Variants in ATP2B4 observed in about 807,000 individuals in gnomAD.
ATP2B4 encodes the protein ATPase plasma membrane Ca2+ transporting 4.
In ATP2B4, 39 loss-of-function variants were observed where a neutral mutation model predicts 110.3. The ratio of observed to expected loss-of-function variants is 0.35; its 90% CI spans 0.27 to 0.46. The LOEUF (loss-of-function observed/expected upper bound fraction) is 0.46, where lower values mean the gene tolerates loss of function less well. Among genes scored for constraint, ATP2B4 ranks in the 20% least tolerant of loss-of-function variants. The pLI is 1.00. For synonymous variants in ATP2B4, 538 were observed against 571.7 expected (o/e 0.94, Z 0.84); for missense variants, 1,135 against 1,530.9 (o/e 0.74, Z 4.32).
chr1:203,663,382 C>T (rs1042527744), intron 1 of ATP2B4, among the ~76,000 whole-genome samples: 1 of 152,070 alleles, frequency 6.6e-6, no homozygotes, highest in South Asian at 2.1e-4. Context: ...AGGAGGTGTA[C>T]CGCCTCCATC....
chr1:203,721,442 G>A, intron 17 of ATP2B4, 32 bp downstream of exon 17: 1 of 1,603,036 alleles, frequency 6.2e-7, no homozygotes, highest in South Asian at 1.1e-5. Flanking sequence ...TAGCAGCTGG[G>A]GTCCTGGTTG....
chr1:203,691,713 C>G (rs975510360), intron 2 of ATP2B4, among the ~76,000 whole-genome samples: 8 of 151,918 alleles, frequency 5.3e-5, no homozygotes, highest in Non-Finnish European at 2.9e-5. Context: ...CCAAGCCATG[C>G]GTGTATTAAA....
At chr1:203,648,170 G>T (rs1408770256) in intron 1 of ATP2B4, among the ~76,000 whole-genome samples, 1 of 152,134 alleles carries the variant, frequency 6.6e-6, no homozygotes, top group Non-Finnish European at 1.5e-5. Flanking sequence ...TCTCATGCTG[G>T]CCTGTGATTG....
chr1:203,657,607 C>G (rs1664200898), intron 1 of ATP2B4: 3 of 974,712 alleles, frequency 3.1e-6, no homozygotes, highest in Non-Finnish European at 5.0e-6. Flanking sequence ...TAAAGCTTAG[C>G]CTTCAGACCA....
intron 1 of ATP2B4, among the ~76,000 whole-genome samples, chr1:203,673,194 T>C (rs981354469): frequency 3.9e-5 from 6 of 152,126 alleles, no homozygotes; most frequent in Non-Finnish European, 8.8e-5. Context: ...TTAAGGAACT[T>C]GTTAGGAGTG....
intron 8 of ATP2B4, 66 bp downstream of exon 8, chr1:203,703,879 C>T: frequency 6.5e-7 from 1 of 1,545,808 alleles, no homozygotes; most frequent in Non-Finnish European, 8.8e-7. Flanking sequence ...CTTTTATCCC[C>T]TTCTTTCTGC....
chr1:203,681,134 G>A (rs1360636601), intron 1 of ATP2B4, among the ~76,000 whole-genome samples: 3 of 152,178 alleles, frequency 2.0e-5, no homozygotes, highest in Non-Finnish European at 2.9e-5. Flanking sequence ...AAGGGAGTAC[G>A]ATATTTTAAA....
At chr1:203,661,586 C>G (rs371313322) in intron 1 of ATP2B4, among the ~76,000 whole-genome samples, 1 of 152,162 alleles carries the variant, frequency 6.6e-6, no homozygotes, top group African/African-American at 2.4e-5. Context: ...CTTTCTCCTG[C>G]TCTTTGAAAA....
At chr1:203,709,042 T>C (rs1290906527) in intron 10 of ATP2B4, among the ~76,000 whole-genome samples, 1 of 151,834 alleles carries the variant, frequency 6.6e-6, no homozygotes, top group Non-Finnish European at 1.5e-5. Context: ...CTGTAGTCCC[T>C]GCTACTCAGG....
chr1:203,724,865 CTG>C lies in ATP2B4; in HGVS notation c.3132+879_3132+880del, dbSNP rs1311017201. Among the ~76,000 whole-genome samples the C allele has an allele frequency of 5.7e-3, 576 of 101,452 alleles. 33 individuals are homozygous for C. Among genetic ancestry groups the C allele is most frequent in the Middle Eastern group, 0.042 (7 of 168 alleles). 66.6% of individuals were successfully genotyped at this position (101,452 alleles called of 152,430 possible). On this transcript the variant is annotated intron_variant, in intron 19 of 20. Coordinates refer to ENST00000357681, the MANE Select transcript of ATP2B4 (RefSeq NM_001684.5). ...ACTGCCTGGGTTTGAATCCAGCTCT[CTG>C]TTTTTTTTTTTTTTTTTTTTTTTTT...
chr1:203,713,183 G>A lies in ATP2B4; in HGVS notation c.2230G>A (p.Asp744Asn). The change falls in exon 14 of 21, where the codon GAC (aspartate) becomes AAC (asparagine). Residue 744 changes from aspartate (D) to asparagine (N), a missense_variant. By Grantham distance (23) the Asp-to-Asn change is conservative (BLOSUM62 1). Coordinates refer to ENST00000357681, the MANE Select transcript of ATP2B4 (RefSeq NM_001684.5). The part of the protein sequence containing the change: ...EKGEVEQEKL[D>N]KIWPKLRVLA... Reference sequence around the variant, plus strand: ...TTGGCAGGTAGAGCAAGAAAAGCTGGACAAGATCTGGCCTAAGCTTCGGGT... The same window carrying A: ...TTGGCAGGTAGAGCAAGAAAAGCTGAACAAGATCTGGCCTAAGCTTCGGGT... The A allele has an allele frequency of 1.2e-6, 2 of 1,614,162 alleles. No homozygotes were observed. Among genetic ancestry groups the A allele is most frequent in the Non-Finnish European group, 8.5e-7 (1 of 1,180,012 alleles).
chr1:203,645,249 C>T lies in ATP2B4; in HGVS notation c.-465+18030C>T, dbSNP rs77251269. On this transcript the variant is annotated intron_variant, in intron 1 of 20. Transcript: ENST00000357681. ...CCTTGTCTAAATGGGGTCTAACTTCCGCCCCAGTTTAACCCAGGGCTGTTT... is the reference window on the plus strand; with the variant it reads ...CCTTGTCTAAATGGGGTCTAACTTCTGCCCCAGTTTAACCCAGGGCTGTTT... 5.4e-3 allele frequency among the ~76,000 whole-genome samples: 827 copies of T among 152,238 alleles called. 7 individuals carry two copies. The highest frequency in any genetic ancestry group is 0.016 in the African/African-American group (676 of 41,532).
chr1:203,677,706 C>T (rs1018222696), intron 1 of ATP2B4, among the ~76,000 whole-genome samples: 8 of 152,156 alleles, frequency 5.3e-5, no homozygotes, highest in Non-Finnish European at 1.0e-4. Flanking sequence ...TCAGGTGATC[C>T]GCCCACCTCG....
rs1326319044 is a variant in ATP2B4, at chr1:203,657,686, T to C, written c.-464-25056T>C. On this transcript the variant is annotated intron_variant, in intron 1 of 20. Transcript: ENST00000357681. The stretch of plus-strand genomic sequence containing the variant: ...CATAAGCCTCTCAGCTTTCCTTCTT[T>C]CTTTTCTTCTCATGGTAATCCAAAC... The C allele has an allele frequency of 3.9e-6, 3 of 766,748 alleles. No individual in the cohort carries two copies. In the African/African-American group the frequency reaches 5.2e-5, roughly 13 times the overall value. 47.5% of individuals were successfully genotyped at this position (766,748 alleles called of 1,614,324 possible).
intron 20 of ATP2B4, among the ~76,000 whole-genome samples, chr1:203,737,363 G>A (rs1227012562): frequency 6.6e-6 from 1 of 152,190 alleles, no homozygotes; most frequent in African/African-American, 2.4e-5. Context: ...TAGAAATTTT[G>A]AGATCTTGAA....
At chr1:203,714,624 C>T (rs761912491) in intron 15 of ATP2B4, among the ~76,000 whole-genome samples, 12 of 152,268 alleles carry the variant, frequency 7.9e-5, no homozygotes, top group African/African-American at 1.7e-4. Flanking sequence ...TTGGGTATTC[C>T]GCTTTTCACT....
intron 1 of ATP2B4, among the ~76,000 whole-genome samples, chr1:203,674,632 C>T (rs1410317321): frequency 1.5e-5 from 2 of 134,192 alleles, no homozygotes; most frequent in Admixed American, 8.3e-5. Context: ...CAACACCACA[C>T]CTGGCTTTTT....
At chr1:203,678,927 G>A (rs1026037311) in intron 1 of ATP2B4, among the ~76,000 whole-genome samples, 7 of 152,182 alleles carry the variant, frequency 4.6e-5, no homozygotes, top group South Asian at 2.1e-4. Context: ...GCTTTCACAC[G>A]TCATCTACAA....
chr1:203,722,969 C>G (rs959083694), intron 18 of ATP2B4, among the ~76,000 whole-genome samples: 2 of 152,146 alleles, frequency 1.3e-5, no homozygotes, highest in East Asian at 3.8e-4. Context: ...ACAGAAATTT[C>G]ACAGAATGAC....
Sources: allele counts gnomAD v4.1 joint callset (sites outside exome capture counted in the v4.1 genomes callset), GRCh38; gene constraint gnomAD v4.1.1; transcripts MANE v1.5; gene names NCBI Gene and HGNC (gene_info 2026-07-23, HGNC 2026-07-21).